The following GALNTL6 variants were observed in gnomAD, a reference collection of about 807,000 sequenced individuals.
GALNTL6 encodes polypeptide N-acetylgalactosaminyltransferase like 6.
Under a neutral mutation model 73.7 loss-of-function variants are expected in GALNTL6, and 46 were observed. The ratio of observed to expected loss-of-function variants is 0.62; its 90% CI spans 0.49 to 0.80. The LOEUF is 0.80. Ranked by LOEUF, GALNTL6 falls within the 30% of genes least tolerant of loss-of-function variation. The pLI, the probability that GALNTL6 is intolerant of heterozygous loss-of-function variation, is 0.00. For synonymous variants in GALNTL6, 259 were observed against 263.7 expected (o/e 0.98, Z 0.17); for missense variants, 604 against 755.0 (o/e 0.80, Z 2.34).
At chr4:172,745,446 T>TCACAC (rs1737056129) in intron 5 of GALNTL6, among the ~76,000 whole-genome samples, 2 of 145,244 alleles carry the variant, frequency 1.4e-5, no homozygotes, top group Admixed American at 6.9e-5. Context: ...TATATATATG[T>TCACAC]ACACATAACT....
At chr4:172,520,007 T>C (rs1734725416) in intron 5 of GALNTL6, among the ~76,000 whole-genome samples, 1 of 151,862 alleles carries the variant, frequency 6.6e-6, no homozygotes, top group Non-Finnish European at 1.5e-5. Flanking sequence ...AAAGAAAAAT[T>C]ATGGCACTTT....
At chr4:172,963,144 A>G (rs1235757783) in intron 10 of GALNTL6, among the ~76,000 whole-genome samples, 2 of 152,046 alleles carry the variant, frequency 1.3e-5, no homozygotes, top group African/African-American at 4.8e-5. Flanking sequence ...ACCAGTCTTC[A>G]CACAGGCCAG....
chr4:171,998,402 T>G (rs1482949015), intron 2 of GALNTL6, among the ~76,000 whole-genome samples: 1 of 152,086 alleles, frequency 6.6e-6, no homozygotes, highest in Admixed American at 6.6e-5. Flanking sequence ...ACTTGCTGCC[T>G]CTCCACATAG....
At chr4:172,089,872 C>CCCCA (rs1349927786) in intron 2 of GALNTL6, among the ~76,000 whole-genome samples, 3 of 152,066 alleles carry the variant, frequency 2.0e-5, no homozygotes, top group African/African-American at 7.2e-5. Context: ...TCCCAAAAGG[C>CCCCA]CCCAGTGTGT....
chr4:172,059,644 T>A (rs576249806), intron 2 of GALNTL6, among the ~76,000 whole-genome samples: 13 of 152,252 alleles, frequency 8.5e-5, no homozygotes, highest in African/African-American at 2.9e-4. Context: ...TGAAAAAAAG[T>A]CATGATTCTC....
chr4:171,846,924 GTAATTATATATACATATAATT>G (rs1735388653), intron 2 of GALNTL6, among the ~76,000 whole-genome samples: 1 of 142,478 alleles, frequency 7.0e-6, no homozygotes, highest in African/African-American at 2.6e-5. Flanking sequence ...ATAATTATAT[GTAATTATATATACATATAATT>G]ATATGTAATT....
At chr4:171,973,865 T>C (rs1739642437) in intron 2 of GALNTL6, among the ~76,000 whole-genome samples, 1 of 152,244 alleles carries the variant, frequency 6.6e-6, no homozygotes, top group Admixed American at 6.5e-5. Context: ...CATTTACTCT[T>C]TCATTGAACT....
intron 8 of GALNTL6, among the ~76,000 whole-genome samples, chr4:172,912,538 T>A (rs970185158): frequency 2.0e-5 from 3 of 152,172 alleles, no homozygotes; most frequent in Non-Finnish European, 4.4e-5. Flanking sequence ...TTTCCAATTG[T>A]CATAGCAAAT....
At chr4:172,058,113 G>GTTGTGTTGTTTTGTTTTGTTTTGTT in intron 2 of GALNTL6, among the ~76,000 whole-genome samples, 1 of 146,380 alleles carries the variant, frequency 6.8e-6, no homozygotes, top group African/African-American at 2.6e-5. Flanking sequence ...GGCTGAAGTG[G>GTTGTGTTGTTTTGTTTTGTTTTGTT]TTGTTTTGTT....
intron 5 of GALNTL6, among the ~76,000 whole-genome samples, chr4:172,555,418 C>G (rs1178699190): frequency 1.3e-5 from 2 of 152,060 alleles, no homozygotes; most frequent in South Asian, 2.1e-4. Flanking sequence ...ATGAGACTCA[C>G]ATGAGTCTAA....
chr4:172,729,451 T>G (rs1336064234), intron 5 of GALNTL6, among the ~76,000 whole-genome samples: 1 of 152,188 alleles, frequency 6.6e-6, no homozygotes, highest in Non-Finnish European at 1.5e-5. Context: ...TACATATAGA[T>G]AGTTACCCAG....
intron 2 of GALNTL6, among the ~76,000 whole-genome samples, chr4:172,113,058 A>T (rs1732897776): frequency 6.6e-6 from 1 of 151,962 alleles, no homozygotes; most frequent in African/African-American, 2.4e-5. Context: ...TACACATTTC[A>T]CCGAGAATAT....
At chr4:172,362,899 A>T (rs1000928983) in intron 5 of GALNTL6, among the ~76,000 whole-genome samples, 12 of 152,216 alleles carry the variant, frequency 7.9e-5, no homozygotes, top group African/African-American at 2.9e-4. Flanking sequence ...TTTCCTTCTC[A>T]TTCCATTCAA....
At chr4:172,175,224 G>GC (rs1359372701) in intron 2 of GALNTL6, among the ~76,000 whole-genome samples, 2 of 152,000 alleles carry the variant, frequency 1.3e-5, no homozygotes, top group African/African-American at 4.8e-5. Flanking sequence ...CTACAGGCAT[G>GC]CACCACCATA....
At chr4:172,629,825 A>G (rs1400296370) in intron 5 of GALNTL6, among the ~76,000 whole-genome samples, 1 of 152,210 alleles carries the variant, frequency 6.6e-6, no homozygotes, top group Non-Finnish European at 1.5e-5. Context: ...GCTCAGTTGT[A>G]TTTATTATGA....
At chr4:172,651,759 A>G (rs1301096012) in intron 5 of GALNTL6, among the ~76,000 whole-genome samples, 1 of 152,212 alleles carries the variant, frequency 6.6e-6, no homozygotes, top group African/African-American at 2.4e-5. Context: ...TGTAAAATGA[A>G]CGATAATTAA....
At chr4:171,933,318 A>G (rs1007820422) in intron 2 of GALNTL6, among the ~76,000 whole-genome samples, 2 of 152,208 alleles carry the variant, frequency 1.3e-5, no homozygotes, top group African/African-American at 4.8e-5. Context: ...TTTTAAATTT[A>G]TAGAAAGACC....
intron 5 of GALNTL6, among the ~76,000 whole-genome samples, chr4:172,738,533 G>A (rs1443293805): frequency 1.3e-5 from 2 of 152,034 alleles, no homozygotes; most frequent in Non-Finnish European, 2.9e-5. Flanking sequence ...TGTGAGATAG[G>A]GATGTCATGC....
rs79773738 is a variant in GALNTL6 at position 172,335,839 on chromosome 4, T to C, written c.387-12684T>C. ...TGCTTATTTGAACCTCTGTTTTTTCTTTATTAATAAAGCTAATGGTCTATT... is the reference window on the plus strand; with the variant it reads ...TGCTTATTTGAACCTCTGTTTTTTCCTTATTAATAAAGCTAATGGTCTATT... On this transcript the variant is annotated intron_variant, in intron 4 of 12. Coordinates refer to ENST00000506823, the MANE Select transcript of GALNTL6 (RefSeq NM_001034845.3). 2.6e-4 allele frequency among the ~76,000 whole-genome samples: 39 copies of C among 152,330 alleles called. No individual in the cohort carries two copies. In the East Asian group the frequency reaches 7.1e-3, roughly 28 times the overall value.
Sources: allele counts gnomAD v4.1 joint callset (sites outside exome capture counted in the v4.1 genomes callset), GRCh38; gene constraint gnomAD v4.1.1; transcripts MANE v1.5; gene names NCBI Gene and HGNC (gene_info 2026-07-23, HGNC 2026-07-21).